Variants in NBPF15 observed in about 807,000 individuals in gnomAD.
The protein encoded by NBPF15 is NBPF member 15, also known as NBPF family member NBPF15.
A neutral mutation model predicts 62.2 loss-of-function variants in NBPF15; 74 were observed. The ratio of observed to expected loss-of-function variants is 1.19; its 90% CI spans 0.99 to 1.44. The LOEUF is 1.44. NBPF15 is among the 40% of genes most tolerant of loss of function. The pLI, the probability that NBPF15 is intolerant of heterozygous loss-of-function variation, is 0.00. For missense variants in NBPF15, 790 were observed against 550.0 expected (o/e 1.44, Z -4.36); for synonymous variants, 244 against 209.7 (o/e 1.16, Z -1.41).
intron 21 of NBPF15, 41 bp from the exon 22 acceptor site, chr1:144,423,297 T>C (rs1553538619): frequency 6.2e-7 from 1 of 1,610,216 alleles, no homozygotes; most frequent in African/African-American, 1.3e-5. Context: ...CCAGGGAAAA[T>C]CAGACACCAC....
chr1:144,461,625 G>A lies in NBPF15; in HGVS notation c.-1182C>T, dbSNP rs1222290899. 2.0e-5 allele frequency: 3 copies of A among 152,424 alleles called. No individual in the cohort carries two copies. The highest frequency in any genetic ancestry group is 4.8e-5 in the African/African-American group (2 of 41,424). 9.4% of individuals were successfully genotyped at this position (152,424 alleles called of 1,614,324 possible). On this transcript the variant is annotated 5_prime_UTR_variant, in exon 1 of 22. Transcript: ENST00000581897. ...AACCGCCGCCCAGCCCATAGCCTGC[G>A]CCAGCTGGCTCCTCAGGGTCCCGCC...
intron 17 of NBPF15, among the ~76,000 whole-genome samples, 160 bp from the exon 18 acceptor site, chr1:144,426,610 G>A (rs1305780461): frequency 1.3e-5 from 2 of 150,716 alleles, no homozygotes; most frequent in Non-Finnish European, 3.0e-5. Flanking sequence ...GATAGACCAG[G>A]GCCAGGTAGA....
intron 14 of NBPF15, among the ~76,000 whole-genome samples, chr1:144,429,185 A>T (rs1672338457): frequency 6.6e-6 from 1 of 151,438 alleles, no homozygotes; most frequent in African/African-American, 2.4e-5. Context: ...TGATGGACAG[A>T]TGAGCTAAAA....
chr1:144,443,517 G>A (rs1488542309), intron 6 of NBPF15, among the ~76,000 whole-genome samples: 1 of 151,640 alleles, frequency 6.6e-6, no homozygotes, highest in South Asian at 2.1e-4. Flanking sequence ...AATCAGAATT[G>A]TGTTGATGTA....
At chr1:144,460,561 T>C (rs1651995439) in intron 2 of NBPF15, among the ~76,000 whole-genome samples, 1 of 151,596 alleles carries the variant, frequency 6.6e-6, no homozygotes, top group Non-Finnish European at 1.5e-5. Flanking sequence ...AGCAGATCTT[T>C]CCTTTAACCT....
At chr1:144,451,786 C>G (rs1215368138) in intron 4 of NBPF15, among the ~76,000 whole-genome samples, 1 of 151,356 alleles carries the variant, frequency 6.6e-6, no homozygotes, top group Non-Finnish European at 1.5e-5. Context: ...TTTCTTAGTA[C>G]AGAACAAAAT....
intron 8 of NBPF15, among the ~76,000 whole-genome samples, chr1:144,439,147 C>A (rs1343145466): frequency 6.6e-6 from 1 of 151,772 alleles, no homozygotes; most frequent in Non-Finnish European, 1.5e-5. Context: ...CCACGCCCAT[C>A]TACTTTTTGT....
chr1:144,455,344 G>A (rs1237092447), intron 4 of NBPF15, among the ~76,000 whole-genome samples: 1 of 151,982 alleles, frequency 6.6e-6, no homozygotes, highest in African/African-American at 2.4e-5. Flanking sequence ...ACATCCAGGG[G>A]AACTTACACC....
At chr1:144,434,292 T>C (rs1676572702) in intron 12 of NBPF15, among the ~76,000 whole-genome samples, 7 of 144,390 alleles carry the variant, frequency 4.8e-5, no homozygotes, top group African/African-American at 1.9e-4. Context: ...TTTGAGGTCA[T>C]GAGTTCAGGA....
chr1:144,427,504 A>G (rs1189254508), intron 16 of NBPF15, among the ~76,000 whole-genome samples: 1 of 149,170 alleles, frequency 6.7e-6, no homozygotes, highest in African/African-American at 2.5e-5. Context: ...GAAGGATGAA[A>G]TCTACAAGAT....
intron 3 of NBPF15, among the ~76,000 whole-genome samples, chr1:144,458,198 G>A (rs144771677): frequency 1.6e-4 from 25 of 151,958 alleles, no homozygotes; most frequent in Non-Finnish European, 2.6e-4. Flanking sequence ...ATTTAGGTAC[G>A]ATCCATAAAG....
intron 6 of NBPF15, among the ~76,000 whole-genome samples, chr1:144,444,003 C>A (rs1417950185): frequency 6.6e-6 from 1 of 151,838 alleles, no homozygotes; most frequent in African/African-American, 2.4e-5. Flanking sequence ...TACCTGTGTT[C>A]TTTTGTGTTG....
In NBPF15 at chr1:144,423,032, C is replaced by T. The variant is rs1462346555; in HGVS notation, c.1994G>A (p.Gly665Glu). The change falls in exon 22 of 22, where the codon GGA becomes GAA. Residue 665 changes from glycine (G) to glutamate (E), a missense_variant. Gly to Glu is a moderately conservative substitution (Grantham distance 98). Coordinates refer to ENST00000581897, the MANE Select transcript of NBPF15 (RefSeq NM_001385408.1). The part of the protein sequence containing the change: ...VTSLHLVFQM[G>E]VIFPQ ...AGCTGCTTATTGTGGGAATATGACT[C>T]CCATCTGGAACACCAGGTGGAGACT... 6.2e-7 allele frequency: 1 copy of T among 1,611,564 alleles called. No individual in the cohort carries two copies. The highest frequency in any genetic ancestry group is 8.5e-7 in the Non-Finnish European group (1 of 1,179,610).
chr1:144,428,420 A>T (rs1367651374), intron 15 of NBPF15, among the ~76,000 whole-genome samples, 186 bp downstream of exon 15: 3 of 152,116 alleles, frequency 2.0e-5, no homozygotes, highest in Non-Finnish European at 4.4e-5. Context: ...TTAGTAAATG[A>T]TAAGTGTAGG....
intron 6 of NBPF15, among the ~76,000 whole-genome samples, chr1:144,444,778 C>A (rs1387474681): frequency 1.3e-5 from 2 of 151,890 alleles, no homozygotes; most frequent in Non-Finnish European, 2.9e-5. Flanking sequence ...CTCTCTTCCT[C>A]CCCAGTTCAT....
At chr1:144,440,706 G>A (rs1682219567) in intron 6 of NBPF15, 1 of 148,792 alleles carries the variant, frequency 6.7e-6, no homozygotes, top group Admixed American at 6.5e-5. Context: ...AGGCTGGAGT[G>A]CAGTGACGCG....
At chr1:144,453,598 C>A (rs1571163319) in intron 4 of NBPF15, among the ~76,000 whole-genome samples, 1 of 82,822 alleles carries the variant, frequency 1.2e-5, no homozygotes, top group Non-Finnish European at 2.4e-5. Context: ...AACTGCTGTC[C>A]AAAATATATG....
At chr1:144,423,817 G>C in intron 21 of NBPF15, 53 bp downstream of exon 21, 6 of 750,906 alleles carry the variant, frequency 8.0e-6, no homozygotes, top group South Asian at 4.2e-5. Flanking sequence ...CCCTGAATCT[G>C]TTGCCTCCAG....
At chr1:144,455,944 A>C (rs1647289987) in intron 4 of NBPF15, among the ~76,000 whole-genome samples, 1 of 152,032 alleles carries the variant, frequency 6.6e-6, no homozygotes, top group Admixed American at 6.6e-5. Flanking sequence ...TGTGGCCCAT[A>C]AATTCTAAGT....
Sources: gnomAD v4.1 joint callset for allele counts (sites outside exome capture counted in the v4.1 genomes callset) on GRCh38, gnomAD v4.1.1 for gene constraint, MANE v1.5 for transcripts, NCBI Gene and HGNC (gene_info 2026-07-23, HGNC 2026-07-21) for gene names.